CD28: variants seen among roughly 807,000 people sequenced by gnomAD.
The protein encoded by CD28 is T-cell-specific surface glycoprotein CD28.
CD28 carries 8 observed loss-of-function variants against 21.4 expected under a neutral mutation model. The observed-to-expected ratio is 0.37, with a 90% CI of 0.22 to 0.68. The LOEUF (loss-of-function observed/expected upper bound fraction) is 0.68, where lower values mean the gene tolerates loss of function less well. Ranked by LOEUF, CD28 falls within the 30% of genes least tolerant of loss-of-function variation. The pLI is 0.55. For synonymous variants in CD28, 106 were observed against 104.0 expected, an observed-to-expected ratio of 1.02 and a Z score of -0.12; for missense variants, 239 against 272.2, an observed-to-expected ratio of 0.88 and a Z score of 0.86.
chr2:203,723,582 A>G (rs1420570116), intron 1 of CD28, among the ~76,000 whole-genome samples: 1 of 152,234 alleles, frequency 6.6e-6, no homozygotes, highest in African/African-American at 2.4e-5. Flanking sequence ...TGGGCAAATG[A>G]TCTGAATAGA....
intron 2 of CD28, among the ~76,000 whole-genome samples, chr2:203,727,318 G>C (rs889318602): frequency 7.9e-5 from 12 of 152,112 alleles, no homozygotes; most frequent in African/African-American, 2.9e-4. Context: ...GTGCCCTCAA[G>C]TAACAGCTGG....
At chr2:203,714,025 C>T (rs1177066573) in intron 1 of CD28, among the ~76,000 whole-genome samples, 2 of 151,482 alleles carry the variant, frequency 1.3e-5, no homozygotes, top group South Asian at 2.1e-4. Flanking sequence ...AGATTTGTTG[C>T]ATAGGAGATG....
chr2:203,714,650 G>T (rs1308735497), intron 1 of CD28, among the ~76,000 whole-genome samples: 1 of 152,128 alleles, frequency 6.6e-6, no homozygotes, highest in Non-Finnish European at 1.5e-5. Flanking sequence ...GATATCTCAG[G>T]TCTACTTTCT....
chr2:203,713,799 A>T (rs180772555), intron 1 of CD28, among the ~76,000 whole-genome samples: 23 of 151,076 alleles, frequency 1.5e-4, no homozygotes, highest in Admixed American at 5.3e-4. Context: ...TGACTTAAGT[A>T]TGTTTGACAT....
upstream of CD28, chr2:203,706,502 T>C (rs775669388): frequency 6.6e-7 from 1 of 1,521,976 alleles, no homozygotes; most frequent in South Asian, 1.2e-5. Context: ...CGTTATATCC[T>C]GTGTGAAATG....
intron 1 of CD28, among the ~76,000 whole-genome samples, chr2:203,719,441 C>T (rs1470856238): frequency 6.6e-6 from 1 of 152,220 alleles, no homozygotes; most frequent in African/African-American, 2.4e-5. Context: ...CCCTAACCCT[C>T]ACTCCAGACA....
chr2:203,714,914 C>T (rs1321126267), intron 1 of CD28, among the ~76,000 whole-genome samples: 2 of 152,156 alleles, frequency 1.3e-5, no homozygotes, highest in African/African-American at 4.8e-5. Flanking sequence ...TCCTGTTTTC[C>T]TATGCAATGT....
intron 1 of CD28, among the ~76,000 whole-genome samples, chr2:203,725,751 AG>A (rs1038810138): frequency 1.3e-5 from 2 of 152,170 alleles, no homozygotes; most frequent in Non-Finnish European, 2.9e-5. Flanking sequence ...TTTCTTGGGG[AG>A]GCTATTCTCT....
At chr2:203,723,320 C>T (rs1402898159) in intron 1 of CD28, among the ~76,000 whole-genome samples, 2 of 151,730 alleles carry the variant, frequency 1.3e-5, no homozygotes, top group Non-Finnish European at 2.9e-5. Flanking sequence ...AACCCCATCT[C>T]TACTAAAAAT....
chr2:203,706,624 C>G (rs1212158644), upstream of CD28: 1 of 1,612,826 alleles, frequency 6.2e-7, no homozygotes, highest in South Asian at 1.1e-5. Context: ...GCAGGTGCGT[C>G]TTTCAGTTCC....
At position 203,736,268 on chromosome 2, in the gene CD28, G is replaced by A. The variant is rs993426464; in HGVS notation, c.*1356G>A. The A allele has an allele frequency of 6.6e-6, 1 of 152,668 alleles. No individual in the cohort carries two copies. The highest frequency in any genetic ancestry group is 2.4e-5 in the African/African-American group (1 of 41,448). The allele number at this position is 152,668 out of a possible 1,614,324, so 9.5% of individuals were successfully genotyped here. ...ATTAGAGTATGAGGATGAGTCCCAA[G>A]AAGGTTCTTTGGAAGGAGGACGAAT... On this transcript the variant is annotated 3_prime_UTR_variant, in exon 4 of 4. Transcript: ENST00000324106.
chr2:203,732,725 C>T (rs1013051967), intron 3 of CD28, among the ~76,000 whole-genome samples: 13 of 152,326 alleles, frequency 8.5e-5, no homozygotes, highest in African/African-American at 3.1e-4. Context: ...TTCCTGCACA[C>T]ATATGCACAC....
In CD28 at chr2:203,706,762, A is replaced by G; in HGVS notation, c.52+14A>G. On this transcript the variant is annotated intron_variant, in intron 1 of 3. Coordinates refer to ENST00000324106, the MANE Select transcript of CD28 (RefSeq NM_006139.4). The stretch of plus-strand genomic sequence containing the variant: ...TTCAAGTAACAGGTAAACAATGTTA[A>G]TGTCTTTCTTTCTGTAAATATTTTT... The G allele has an allele frequency of 6.4e-7, 1 of 1,571,426 alleles. No homozygotes were observed. The highest frequency in any genetic ancestry group is 1.1e-5 in the South Asian group (1 of 90,190).
In CD28 at chr2:203,737,945, T is replaced by G. The variant is rs1694080785; in HGVS notation, c.*3033T>G. ...AAGGAATTTGGATAGAACTTGCTAT[T>G]TAAAAGAGGTGTGGGGTAAATCCTT... On this transcript the variant is annotated 3_prime_UTR_variant, in exon 4 of 4. Coordinates refer to ENST00000324106, the MANE Select transcript of CD28 (RefSeq NM_006139.4). The G allele has an allele frequency of 6.6e-6, 1 of 152,314 alleles. No individual in the cohort carries two copies. Among genetic ancestry groups the G allele is most frequent in the Non-Finnish European group, 1.5e-5 (1 of 68,032 alleles). The allele number at this position is 152,314 out of a possible 1,614,324, so 9.4% of individuals were successfully genotyped here.
At chr2:203,715,842 A>T (rs1399129535) in intron 1 of CD28, among the ~76,000 whole-genome samples, 1 of 152,060 alleles carries the variant, frequency 6.6e-6, no homozygotes, top group East Asian at 1.9e-4. Context: ...TCAGTCTGTA[A>T]AACTGAGCAC....
chr2:203,710,090 T>A (rs543081795), intron 1 of CD28, among the ~76,000 whole-genome samples: 3 of 152,358 alleles, frequency 2.0e-5, no homozygotes, highest in Non-Finnish European at 4.4e-5. Context: ...CACAGTTAAG[T>A]GTTGCTCTGA....
intron 1 of CD28, among the ~76,000 whole-genome samples, chr2:203,710,168 G>A (rs182742971): frequency 1.3e-5 from 2 of 152,322 alleles, no homozygotes; most frequent in Admixed American, 1.3e-4. Flanking sequence ...GTATTTACAT[G>A]ACTTCCAATA....
chr2:203,707,135 T>C (rs1693178526), intron 1 of CD28, among the ~76,000 whole-genome samples: 1 of 152,034 alleles, frequency 6.6e-6, no homozygotes, highest in South Asian at 2.1e-4. Flanking sequence ...TGAGCTACCA[T>C]GCCCGGCCAA....
At chr2:203,727,223 A>C (rs759311560) in intron 2 of CD28, among the ~76,000 whole-genome samples, 18 of 152,182 alleles carry the variant, frequency 1.2e-4, no homozygotes, top group Non-Finnish European at 1.9e-4. Flanking sequence ...TAAGTGATGA[A>C]GTTACCGCAT....
Sources: gnomAD v4.1 joint callset for allele counts (sites outside exome capture counted in the v4.1 genomes callset) on GRCh38, gnomAD v4.1.1 for gene constraint, MANE v1.5 for transcripts, NCBI Gene and HGNC (gene_info 2026-07-23, HGNC 2026-07-21) for gene names.